SFRP5: variants seen among roughly 807,000 people sequenced by gnomAD.
SFRP5 encodes secreted frizzled-related protein 5.
A neutral mutation model predicts 27.0 loss-of-function variants in SFRP5; 22 were observed. The ratio of observed to expected loss-of-function variants is 0.82; its 90% CI spans 0.58 to 1.17. The LOEUF (loss-of-function observed/expected upper bound fraction) is 1.17, where lower values mean the gene tolerates loss of function less well. Ranked by LOEUF, SFRP5 falls within the 50% of genes most tolerant of loss-of-function variation. The probability of loss-of-function intolerance (pLI) is 0.00; values close to 1 mark genes in which losing one functional copy is unlikely to be tolerated. For missense variants in SFRP5, 406 were observed against 436.6 expected (o/e 0.93, Z 0.63); for synonymous variants, 171 against 195.0 (o/e 0.88, Z 1.03).
Position 97,771,590 on chromosome 10 carries a change from GGCTCTCGT to G in SFRP5, c.236_243del (p.His79ProfsTer67). The G allele has an allele frequency of 1.2e-6, 2 of 1,611,824 alleles. No homozygotes were observed. On this transcript the variant is annotated frameshift_variant, in exon 1 of 3. Coordinates refer to ENST00000266066, the MANE Select transcript of SFRP5 (RefSeq NM_003015.3). LOFTEE classifies it high-confidence loss of function. The surrounding 1 kb of genome is among the most constrained non-coding windows in gnomAD (Gnocchi z 5.2). ...CTCGCCTGCTGCTTCACTTCGGCCAGGCTCTCGTGCTCCAGCAGGTTGGGCAGCCGCAT... is the reference window on the plus strand; with the variant it reads ...CTCGCCTGCTGCTTCACTTCGGCCAGGCTCCAGCAGGTTGGGCAGCCGCAT...
Position 97,771,423 on chromosome 10 carries a change from C to G in SFRP5, c.411G>C (p.Pro137=). 1 of 1,612,974 alleles carries G rather than the reference C, an allele frequency of 6.2e-7. No individual in the cohort carries two copies. Among genetic ancestry groups the G allele is most frequent in the Non-Finnish European group, 8.5e-7 (1 of 1,179,540 alleles). ...AGGGGAAGCCGTAGGCCTCCATGAG[C>G]GGCGCGCAGCCGGCGCGCACGGCCT... is the stretch of plus-strand genomic sequence containing the variant. The part of the protein sequence containing the change: ...LCEAVRAGCA[P]LMEAYGFPWP... Residue 137 remains proline (P), a synonymous_variant, in exon 1 of 3, where the codon CCG becomes CCC. Transcript: ENST00000266066. The surrounding 1 kb of genome is among the most constrained non-coding windows in gnomAD (Gnocchi z 5.2).
Position 97,767,559 on chromosome 10 carries a change from G to A in SFRP5, c.909C>T (p.Cys303=), listed in dbSNP as rs773474051. 1 of 1,613,310 alleles carries A rather than the reference G, an allele frequency of 6.2e-7. No individual in the cohort carries two copies. Among genetic ancestry groups the A allele is most frequent in the Non-Finnish European group, 8.5e-7 (1 of 1,179,948 alleles). The part of the protein sequence containing the change: ...FAVKFMFSYP[C]SLYYPFFYGA... ...CGTAGAAGAAAGGGTAGTAGAGGGA[G>A]CAGGGGTAGGAGAACATGAATTTGA... The change falls in exon 3 of 3, where the codon TGC becomes TGT. Residue 303 remains cysteine (C), a synonymous_variant. Transcript: ENST00000266066.
In SFRP5 at chr10:97,771,381, G is replaced by A; in HGVS notation, c.453C>T (p.His151=). 1 of 1,612,450 alleles carries A rather than the reference G, an allele frequency of 6.2e-7. No homozygotes were observed. The highest frequency in any genetic ancestry group is 8.5e-7 in the Non-Finnish European group (1 of 1,179,398). Residue 151 remains histidine, a synonymous_variant, in exon 1 of 3, where the codon CAC becomes CAT. Transcript: ENST00000266066. This position sits in a 1 kb window ranked among gnomAD's most constrained non-coding sequence, Gnocchi z 5.2. Reference sequence around the variant, plus strand: ...CGTTGTCCAGGGGGAACTTGTGGCAGTGCAGCATCTCAGGCCAGGGGAAGC... The same window carrying A: ...CGTTGTCCAGGGGGAACTTGTGGCAATGCAGCATCTCAGGCCAGGGGAAGC... ...AYGFPWPEML[H]CHKFPLDNDL...
intron 2 of SFRP5, among the ~76,000 whole-genome samples, chr10:97,769,289 C>T (rs564100268): frequency 4.6e-5 from 7 of 152,292 alleles, no homozygotes; most frequent in African/African-American, 1.4e-4. Context: ...TGCTCCACTT[C>T]CATCCTAGAG....
Position 97,767,236 on chromosome 10 carries a change from C to T in SFRP5, c.*278G>A, listed in dbSNP as rs2049489519. 1 of 343,214 alleles carries T rather than the reference C, an allele frequency of 2.9e-6. No individual in the cohort carries two copies. Among genetic ancestry groups the T allele is most frequent in the Admixed American group, 4.4e-5 (1 of 22,594 alleles). 21.3% of individuals were successfully genotyped at this position (343,214 alleles called of 1,614,324 possible). The stretch of plus-strand genomic sequence containing the variant: ...CTCAGGGTGCCCTGAGCCCCTCCAC[C>T]TTTCCCTTACCCTCTCCTCCCCTGC... On this transcript the variant is annotated 3_prime_UTR_variant, in exon 3 of 3. Coordinates refer to ENST00000266066, the MANE Select transcript of SFRP5 (RefSeq NM_003015.3).
rs961726173 is a variant in SFRP5, at chr10:97,771,560, A to G, written c.274T>C (p.Trp92Arg). The G allele has an allele frequency of 3.1e-6, 5 of 1,611,244 alleles. No individual in the cohort carries two copies. The highest frequency in any genetic ancestry group is 1.3e-5 in the African/African-American group (1 of 74,866). The change falls in exon 1 of 3, where the codon TGG becomes CGG. Residue 92 changes from tryptophan (W) to arginine (R), a missense_variant. By Grantham distance (101) the Trp-to-Arg change is moderately radical. Transcript: ENST00000266066. This position sits in a 1 kb window ranked among gnomAD's most constrained non-coding sequence, Gnocchi z 5.2. ...LAEVKQQASSWLPLLAKRCHS... is the reference protein window; with the variant it reads ...LAEVKQQASSRLPLLAKRCHS... ...CAGCGCTTGGCCAGCAGCGGCAGCC[A>G]GCTGCTCGCCTGCTGCTTCACTTCG...
chr10:97,768,098 A>T (rs1384030577), intron 2 of SFRP5, among the ~76,000 whole-genome samples: 1 of 152,084 alleles, frequency 6.6e-6, no homozygotes. Context: ...ATTGAGGGGT[A>T]GAGAGCTTGT....
chr10:97,771,571 T>C lies in SFRP5; in HGVS notation c.263A>G (p.Gln88Arg), dbSNP rs750518495. The C allele has an allele frequency of 6.2e-7, 1 of 1,611,726 alleles. No homozygotes were observed. Among genetic ancestry groups the C allele is most frequent in the East Asian group, 2.2e-5 (1 of 44,776 alleles). ...EHESLAEVKQ[Q>R]ASSWLPLLAK... is the part of the protein sequence containing the mutation. ...CAGCAGCGGCAGCCAGCTGCTCGCC[T>C]GCTGCTTCACTTCGGCCAGGCTCTC... The change falls in exon 1 of 3, where the codon CAG becomes CGG. Residue 88 changes from glutamine to arginine, a missense_variant. By Grantham distance (43) the Gln-to-Arg change is conservative. Coordinates refer to ENST00000266066, the MANE Select transcript of SFRP5 (RefSeq NM_003015.3). The surrounding 1 kb of genome is among the most constrained non-coding windows in gnomAD (Gnocchi z 5.2).
chr10:97,770,764 AG>A (rs2049510378), intron 1 of SFRP5, among the ~76,000 whole-genome samples: 1 of 152,062 alleles, frequency 6.6e-6, no homozygotes, highest in African/African-American at 2.4e-5. Flanking sequence ...TTAGGGTTCC[AG>A]GTACAGAAAA....
In SFRP5 at chr10:97,771,426, C is replaced by G. The variant is rs1156643294; in HGVS notation, c.408G>C (p.Ala136=). Residue 136 remains alanine, a synonymous_variant, in exon 1 of 3, where the codon GCG becomes GCC. Transcript: ENST00000266066. The surrounding 1 kb of genome is among the most constrained non-coding windows in gnomAD (Gnocchi z 5.2). ...GGAAGCCGTAGGCCTCCATGAGCGGCGCGCAGCCGGCGCGCACGGCCTCGC... is the reference window on the plus strand; with the variant it reads ...GGAAGCCGTAGGCCTCCATGAGCGGGGCGCAGCCGGCGCGCACGGCCTCGC... ...SLCEAVRAGC[A]PLMEAYGFPW... 1 of 1,612,962 alleles carries G rather than the reference C, an allele frequency of 6.2e-7. No homozygotes were observed. Among genetic ancestry groups the G allele is most frequent in the Admixed American group, 1.7e-5 (1 of 59,966 alleles).
intron 2 of SFRP5, 63 bp from the exon 3 acceptor site, chr10:97,767,923 C>G (rs1397649676): frequency 2.3e-6 from 3 of 1,298,364 alleles, no homozygotes; most frequent in Non-Finnish European, 3.2e-6. Context: ...TGCTGGTGGG[C>G]ACAGAGTTGG....
chr10:97,770,731 A>C (rs1162584072), intron 1 of SFRP5, among the ~76,000 whole-genome samples: 2 of 152,190 alleles, frequency 1.3e-5, no homozygotes, highest in Admixed American at 6.5e-5. Context: ...CAGCCAGGGG[A>C]ACTGGGGAAG....
chr10:97,770,047 G>A (rs929668466), intron 1 of SFRP5, among the ~76,000 whole-genome samples: 5 of 152,118 alleles, frequency 3.3e-5, no homozygotes, highest in African/African-American at 1.2e-4. Context: ...CTCATCCTCA[G>A]CCTATGAAAT....
intron 1 of SFRP5, among the ~76,000 whole-genome samples, chr10:97,770,380 T>C (rs2049507867): frequency 6.6e-6 from 1 of 152,168 alleles, no homozygotes; most frequent in African/African-American, 2.4e-5. Context: ...CTTACTCCTA[T>C]TTTGGAGAAA....
chr10:97,771,533 G>T lies in SFRP5; in HGVS notation c.301C>A (p.His101Asn). ...SWLPLLAKRC[H>N]SDTQVFLCSL... ...CACAGGAAGACCTGCGTATCCGAGT[G>T]GCAGCGCTTGGCCAGCAGCGGCAGC... The change falls in exon 1 of 3, where the codon CAC (histidine) becomes AAC (asparagine). Residue 101 changes from histidine (H) to asparagine (N), a missense_variant. Physicochemically the swap from His to Asn is moderately conservative, Grantham distance 68. Transcript: ENST00000266066. This position sits in a 1 kb window ranked among gnomAD's most constrained non-coding sequence, Gnocchi z 5.2. 1 of 1,610,630 alleles carries T rather than the reference G, an allele frequency of 6.2e-7. No individual in the cohort carries two copies. Among genetic ancestry groups the T allele is most frequent in the Non-Finnish European group, 8.5e-7 (1 of 1,177,566 alleles).
At chr10:97,767,964 T>C in intron 2 of SFRP5, 104 bp from the exon 3 acceptor site, 1 of 792,072 alleles carries the variant, frequency 1.3e-6, no homozygotes, top group Non-Finnish European at 2.0e-6. Flanking sequence ...TGGGGGAGCC[T>C]GATGCCCTGC....
Position 97,771,932 on chromosome 10 carries a change from AGCCGCCGCC to A in SFRP5, c.-108_-100del. 8.5e-6 allele frequency: 7 copies of A among 822,162 alleles called. No individual in the cohort carries two copies. The highest frequency in any genetic ancestry group is 5.4e-5 in the South Asian group (1 of 18,664). 50.9% of individuals were successfully genotyped at this position (822,162 alleles called of 1,614,324 possible). On this transcript the variant is annotated 5_prime_UTR_variant, in exon 1 of 3. Transcript: ENST00000266066. The surrounding 1 kb of genome is among the most constrained non-coding windows in gnomAD (Gnocchi z 5.2). ...TGCGCCCCCGGCCCTGACTCTACCC[AGCCGCCGCC>A]GCCGCCGCCGCGGAGGTCGCCCAGG... is the stretch of plus-strand genomic sequence containing the variant.
At position 97,767,835 on chromosome 10, in the gene SFRP5, G is replaced by T. The variant is rs2049494354; in HGVS notation, c.633C>A (p.Ile211=). ...GCTTCCGGTCCCCATTCTCTATCTTGATCTCCTTGATGCGCATTTTGACCA... is the reference window on the plus strand; with the variant it reads ...GCTTCCGGTCCCCATTCTCTATCTTTATCTCCTTGATGCGCATTTTGACCA... ...DFVVKMRIKE[I]KIENGDRKLI... Residue 211 remains isoleucine, a synonymous_variant, in exon 3 of 3, where the codon ATC becomes ATA. Coordinates refer to ENST00000266066, the MANE Select transcript of SFRP5 (RefSeq NM_003015.3). The T allele has an allele frequency of 4.6e-6, 7 of 1,529,868 alleles. No homozygotes were observed. The highest frequency in any genetic ancestry group is 3.5e-4 in the Middle Eastern group (2 of 5,656). 94.8% of individuals were successfully genotyped at this position (1,529,868 alleles called of 1,614,324 possible).
At chr10:97,769,638 GGGCAGT>G in intron 2 of SFRP5, 24 bp downstream of exon 2, 2 of 1,519,938 alleles carry the variant, frequency 1.3e-6, no homozygotes, top group Middle Eastern at 1.7e-4. Context: ...GGTGATGTCG[GGGCAGT>G]GGCAGCGTGG....
Sources: gnomAD v4.1 joint callset for allele counts (sites outside exome capture counted in the v4.1 genomes callset) on GRCh38, gnomAD v4.1.1 for gene constraint, Gnocchi (gnomAD v3.1) non-coding constraint, MANE v1.5 for transcripts, NCBI Gene and HGNC (gene_info 2026-07-23, HGNC 2026-07-21) for gene names.